Variants in DENND1A observed in about 807,000 individuals in gnomAD.
DENND1A encodes DENN domain-containing protein 1A.
Under a neutral mutation model 113.7 loss-of-function variants are expected in DENND1A, and 51 were observed. That is an observed-to-expected ratio of 0.45 (90% CI 0.36 to 0.57). DENND1A has a LOEUF of 0.57. DENND1A is among the 20% of genes least tolerant of loss of function. The pLI, the probability that DENND1A is intolerant of heterozygous loss-of-function variation, is 0.00. For synonymous variants in DENND1A, 565 were observed against 570.8 expected (o/e 0.99, Z 0.14); for missense variants, 1,258 against 1,395.9 (o/e 0.90, Z 1.57).
intron 2 of DENND1A, among the ~76,000 whole-genome samples, chr9:123,833,122 C>CAAAAA (rs1163844269): frequency 7.3e-5 from 2 of 27,564 alleles, no homozygotes; most frequent in South Asian, 1.7e-3. Flanking sequence ...GACCTCATCT[C>CAAAAA]AAAAAAAAAA....
intron 19 of DENND1A, chr9:123,414,727 T>C (rs1165540389): frequency 3.4e-6 from 4 of 1,162,820 alleles, no homozygotes; most frequent in East Asian, 2.6e-5. Flanking sequence ...ATACCACCCA[T>C]GAATATCCCC....
At chr9:123,471,590 T>C (rs2049431684) in intron 13 of DENND1A, among the ~76,000 whole-genome samples, 1 of 152,154 alleles carries the variant, frequency 6.6e-6, no homozygotes, top group South Asian at 2.1e-4. Context: ...AGCTGCCTGC[T>C]AGGGCTGGGA....
rs1015273788 is a variant in DENND1A at position 123,422,544 on chromosome 9, C to T, written c.1489-10715G>A. On this transcript the variant is annotated intron_variant, in intron 19 of 23. Transcript: ENST00000394215. The surrounding 1 kb of genome is among the most constrained non-coding windows in gnomAD (Gnocchi z 4.8). Reference sequence around the variant, plus strand: ...TTTTCCTTCCCTCAGAACAAATGGACGGAGAACCTGGTTTTAAAATTCCTG... The same window carrying T: ...TTTTCCTTCCCTCAGAACAAATGGATGGAGAACCTGGTTTTAAAATTCCTG... Among the ~76,000 whole-genome samples the T allele has an allele frequency of 5.3e-5, 8 of 151,140 alleles. No homozygotes were observed. Among genetic ancestry groups the T allele is most frequent in the African/African-American group, 1.5e-4 (6 of 41,048 alleles).
chr9:123,491,125 T>C (rs939351213), intron 13 of DENND1A, among the ~76,000 whole-genome samples: 11 of 152,214 alleles, frequency 7.2e-5, no homozygotes, highest in African/African-American at 2.7e-4. Context: ...TGATCCGGTG[T>C]TATGTGGCTG....
At chr9:123,859,449 T>G (rs1268199140) in intron 2 of DENND1A, among the ~76,000 whole-genome samples, 1 of 151,418 alleles carries the variant, frequency 6.6e-6, no homozygotes, top group Non-Finnish European at 1.5e-5. Context: ...ATAGACCTAA[T>G]TTTACAGATT....
At position 123,744,900 on chromosome 9, in the gene DENND1A, C is replaced by T. The variant is rs947571766; in HGVS notation, c.302+12803G>A. 9.9e-5 allele frequency among the ~76,000 whole-genome samples: 15 copies of T among 151,614 alleles called. 1 individual carries two copies. The highest frequency in any genetic ancestry group is 3.9e-4 in the East Asian group (2 of 5,182). ...AAGCAATTCTTCTGCCTCAGTCTCC[C>T]GAGTAGCTGGGATTACAGGCGCACA... On this transcript the variant is annotated intron_variant, in intron 5 of 23. Transcript: ENST00000394215.
At chr9:123,387,022 C>G (rs529307675) in intron 22 of DENND1A, among the ~76,000 whole-genome samples, 1 of 152,222 alleles carries the variant, frequency 6.6e-6, no homozygotes, top group East Asian at 1.9e-4. Context: ...GTTTCCATTC[C>G]CTTAAAGGCT....
chr9:123,517,913 GAC>G (rs769814733), intron 13 of DENND1A, among the ~76,000 whole-genome samples: 2 of 152,136 alleles, frequency 1.3e-5, no homozygotes, highest in Non-Finnish European at 2.9e-5. Context: ...AAATGTGAGT[GAC>G]CTTTCTTTCT....
intron 1 of DENND1A, among the ~76,000 whole-genome samples, chr9:123,895,015 G>A (rs960849057): frequency 6.6e-6 from 1 of 151,600 alleles, no homozygotes; most frequent in Non-Finnish European, 1.5e-5. Context: ...AATGCTAGCA[G>A]AATCACCCTG....
intron 2 of DENND1A, among the ~76,000 whole-genome samples, chr9:123,827,985 A>G (rs1839621377): frequency 6.6e-6 from 1 of 152,222 alleles, no homozygotes; most frequent in African/African-American, 2.4e-5. Context: ...TTGGCACTCA[A>G]TAAAAAATTA....
chr9:123,491,122 G>T (rs906575728), intron 13 of DENND1A, among the ~76,000 whole-genome samples: 1 of 152,222 alleles, frequency 6.6e-6, no homozygotes, highest in Admixed American at 6.5e-5. Flanking sequence ...CAATGATCCG[G>T]TGTTATGTGG....
At chr9:123,651,218 C>T (rs2139389083) in intron 9 of DENND1A, among the ~76,000 whole-genome samples, 1 of 152,052 alleles carries the variant, frequency 6.6e-6, no homozygotes, top group Middle Eastern at 3.4e-3. Context: ...AAAATCAAGA[C>T]ACCTATAAAA....
At chr9:123,847,167 T>C (rs12342767) in intron 2 of DENND1A, among the ~76,000 whole-genome samples, 13 of 152,102 alleles carry the variant, frequency 8.5e-5, no homozygotes, top group African/African-American at 3.1e-4. Context: ...TAAAAGCAAT[T>C]AGACACAGCT....
At chr9:123,927,677 A>T (rs1424932375) in intron 1 of DENND1A, among the ~76,000 whole-genome samples, 10 of 152,232 alleles carry the variant, frequency 6.6e-5, no homozygotes, top group Non-Finnish European at 1.3e-4. Flanking sequence ...GATTCCACCT[A>T]GTCAACTGAC....
At chr9:123,719,483 A>G (rs1005334504) in intron 5 of DENND1A, among the ~76,000 whole-genome samples, 2 of 152,194 alleles carry the variant, frequency 1.3e-5, no homozygotes, top group African/African-American at 2.4e-5. Flanking sequence ...GACATCTATT[A>G]TCTTGTTTAA....
chr9:123,491,427 G>A (rs1462867550), intron 13 of DENND1A, among the ~76,000 whole-genome samples: 1 of 152,186 alleles, frequency 6.6e-6, no homozygotes, highest in Non-Finnish European at 1.5e-5. Context: ...GGCTTGTTCT[G>A]GCCAGCCTCA....
At chr9:123,902,515 C>T (rs1194218610) in intron 1 of DENND1A, among the ~76,000 whole-genome samples, 1 of 152,160 alleles carries the variant, frequency 6.6e-6, no homozygotes, top group African/African-American at 2.4e-5. Flanking sequence ...GCACAAAGAA[C>T]AGTGCCCATG....
rs146090381 is a variant in DENND1A, at chr9:123,777,899, G to A, written c.133-8336C>T. On this transcript the variant is annotated intron_variant, in intron 3 of 23. Coordinates refer to ENST00000394215, the MANE Select transcript of DENND1A (RefSeq NM_001352964.2). ...CTCACTAAACAGTCATCTGTTTAGT[G>A]TTACAGAACTGTTTCAAATCAACTT... Among the ~76,000 whole-genome samples the A allele has an allele frequency of 4.0e-4, 61 of 152,286 alleles. 1 individual carries two copies. The highest frequency in any genetic ancestry group is 3.4e-3 in the Middle Eastern group (1 of 294).
At chr9:123,726,797 T>C (rs763066995) in intron 5 of DENND1A, among the ~76,000 whole-genome samples, 5 of 152,212 alleles carry the variant, frequency 3.3e-5, no homozygotes, top group Admixed American at 1.3e-4. Flanking sequence ...TAGAACTTTT[T>C]AAGGAAACCC....
Sources: gnomAD v4.1 joint callset for allele counts (sites outside exome capture counted in the v4.1 genomes callset) on GRCh38, gnomAD v4.1.1 for gene constraint, Gnocchi (gnomAD v3.1) non-coding constraint, MANE v1.5 for transcripts, NCBI Gene and HGNC (gene_info 2026-07-23, HGNC 2026-07-21) for gene names.